The following ZNF708 variants were observed in gnomAD, a reference collection of about 807,000 sequenced individuals.
The protein encoded by ZNF708 is zinc finger protein 708.
Under a neutral mutation model 47.0 loss-of-function variants are expected in ZNF708, and 44 were observed. The observed-to-expected ratio is 0.94, with a 90% CI of 0.74 to 1.20. The LOEUF is 1.20. Ranked by LOEUF, ZNF708 falls within the 50% of genes most tolerant of loss-of-function variation. ZNF708 has a pLI of 0.00. For synonymous variants in ZNF708, 184 were observed against 218.5 expected, an observed-to-expected ratio of 0.84 and a Z score of 1.39; for missense variants, 557 against 656.0, an observed-to-expected ratio of 0.85 and a Z score of 1.65.
At chr19:21,299,635 T>C (rs1972613444) in intron 3 of ZNF708, among the ~76,000 whole-genome samples, 1 of 151,210 alleles carries the variant, frequency 6.6e-6, no homozygotes, top group Non-Finnish European at 1.5e-5. Flanking sequence ...TAGCTAGGGG[T>C]GGTGATGCAC....
chr19:21,297,725 T>C (rs1972568482), intron 3 of ZNF708, among the ~76,000 whole-genome samples: 1 of 152,068 alleles, frequency 6.6e-6, no homozygotes, highest in Non-Finnish European at 1.5e-5. Context: ...ATTTGCCTTT[T>C]TGCAAGTCAG....
At chr19:21,300,505 T>TAAAA (rs1215143351) in intron 3 of ZNF708, among the ~76,000 whole-genome samples, 1 of 110,536 alleles carries the variant, frequency 9.0e-6, no homozygotes, top group African/African-American at 3.4e-5. Context: ...AAACTCTGTC[T>TAAAA]AAAAAAAAAA....
chr19:21,298,334 C>A (rs181022627), intron 3 of ZNF708, among the ~76,000 whole-genome samples: 1 of 151,856 alleles, frequency 6.6e-6, no homozygotes, highest in Admixed American at 6.6e-5. Flanking sequence ...CTTTCTGTGA[C>A]CAAAATGGAA....
At position 21,294,600 on chromosome 19, in the gene ZNF708, T is replaced by C; in HGVS notation, c.366A>G (p.Lys122=). Residue 122 remains lysine (K), a synonymous_variant, in exon 4 of 4, where the codon AAA becomes AAG. Transcript: ENST00000356929. ...ACCGGTTAAGTCCCTTGTGACCTCC[T>C]TTGTGCAACTTATGCTCATCCACAC... ...CKSVDEHKLH[K]GGHKGLNRCV... 2 of 1,614,152 alleles carry C rather than the reference T, an allele frequency of 1.2e-6. No individual in the cohort carries two copies. The highest frequency in any genetic ancestry group is 2.2e-5 in the East Asian group (1 of 44,862).
At chr19:21,315,448 T>C (rs1407654999) in intron 1 of ZNF708, among the ~76,000 whole-genome samples, 1 of 152,182 alleles carries the variant, frequency 6.6e-6, no homozygotes, top group Non-Finnish European at 1.5e-5. Context: ...GAAAGCAAAG[T>C]ACAATCAAAG....
chr19:21,309,944 G>A (rs915498853), intron 2 of ZNF708, among the ~76,000 whole-genome samples: 1 of 152,146 alleles, frequency 6.6e-6, no homozygotes, highest in Non-Finnish European at 1.5e-5. Flanking sequence ...TAAATTTCTG[G>A]AATTACCACT....
At chr19:21,300,746 C>T (rs905102301) in intron 3 of ZNF708, among the ~76,000 whole-genome samples, 3 of 151,808 alleles carry the variant, frequency 2.0e-5, no homozygotes, top group Non-Finnish European at 4.4e-5. Context: ...CTGCATGCTC[C>T]ACCTCCCAGG....
chr19:21,307,384 G>C (rs1355014880), intron 3 of ZNF708, among the ~76,000 whole-genome samples: 15 of 152,048 alleles, frequency 9.9e-5, no homozygotes. Context: ...CCAGCACTTT[G>C]GGAAGCTGAG....
In ZNF708 at chr19:21,329,374, G is replaced by A. The variant is rs1973331071; in HGVS notation, c.-162C>T. On this transcript the variant is annotated 5_prime_UTR_variant, in exon 1 of 4. Transcript: ENST00000356929. ...AAGAGACAAAGGCCGCGCCAAACCC[G>A]GAAGCCGCCCTGTCCGGTCCAGCTG... 1.8e-6 allele frequency: 2 copies of A among 1,126,614 alleles called. No homozygotes were observed. The highest frequency in any genetic ancestry group is 2.6e-6 in the Non-Finnish European group (2 of 774,112). 69.8% of individuals were successfully genotyped at this position (1,126,614 alleles called of 1,614,324 possible).
intron 2 of ZNF708, 25 bp from the exon 3 acceptor site, chr19:21,309,366 T>C: frequency 1.3e-6 from 2 of 1,541,752 alleles, no homozygotes; most frequent in Non-Finnish European, 1.8e-6. Flanking sequence ...ATAAATAACG[T>C]GAATCTTGCT....
chr19:21,321,021 G>A (rs1381286375), intron 1 of ZNF708, among the ~76,000 whole-genome samples: 1 of 151,882 alleles, frequency 6.6e-6, no homozygotes, highest in Non-Finnish European at 1.5e-5. Context: ...GGCGCCTGTA[G>A]TACCAGCTAC....
intron 1 of ZNF708, chr19:21,327,960 C>A: frequency 9.7e-7 from 1 of 1,030,400 alleles, no homozygotes; most frequent in Non-Finnish European, 1.2e-6. Flanking sequence ...CACTCCATAC[C>A]TCAGGTTGTC....
At chr19:21,306,639 T>C (rs1972769622) in intron 3 of ZNF708, among the ~76,000 whole-genome samples, 3 of 152,148 alleles carry the variant, frequency 2.0e-5, no homozygotes, top group South Asian at 2.1e-4. Flanking sequence ...AGAGCAGCTA[T>C]TGTTTTAAAA....
At chr19:21,327,585 C>T (rs1389129485) in intron 1 of ZNF708, among the ~76,000 whole-genome samples, 1 of 151,788 alleles carries the variant, frequency 6.6e-6, no homozygotes, top group Non-Finnish European at 1.5e-5. Context: ...CTGATATTCA[C>T]CCACCCCATT....
chr19:21,308,078 T>C (rs1972822031), intron 3 of ZNF708, among the ~76,000 whole-genome samples: 1 of 152,006 alleles, frequency 6.6e-6, no homozygotes, highest in Non-Finnish European at 1.5e-5. Flanking sequence ...ATAAAAGATA[T>C]AAGATTTCAA....
At chr19:21,302,484 G>A (rs999519733) in intron 3 of ZNF708, among the ~76,000 whole-genome samples, 2 of 152,084 alleles carry the variant, frequency 1.3e-5, no homozygotes, top group East Asian at 3.9e-4. Flanking sequence ...TATCACCTGA[G>A]GTCAGAAGTT....
rs146754133 is a variant in ZNF708 at position 21,327,100 on chromosome 19, G to A, written c.3+2110C>T. 7.2e-5 allele frequency among the ~76,000 whole-genome samples: 11 copies of A among 152,072 alleles called. No individual in the cohort carries two copies. The East Asian group carries it at 1.9e-3, about 27-fold the overall frequency. ...TTTTTCTGAAATCCACCTCTTTTAT[G>A]CCCTCTGTTAATATTTTCTTACCTT... On this transcript the variant is annotated intron_variant, in intron 1 of 3. Coordinates refer to ENST00000356929, the MANE Select transcript of ZNF708 (RefSeq NM_021269.3).
chr19:21,314,803 C>T (rs1268542526), intron 1 of ZNF708, among the ~76,000 whole-genome samples: 3 of 152,144 alleles, frequency 2.0e-5, no homozygotes, highest in African/African-American at 7.2e-5. Context: ...TTCTCTTACA[C>T]TGAGGGAAAA....
At chr19:21,326,476 G>A (rs967055792) in intron 1 of ZNF708, among the ~76,000 whole-genome samples, 18 of 152,100 alleles carry the variant, frequency 1.2e-4, no homozygotes, top group African/African-American at 4.1e-4. Context: ...AACCAAACAT[G>A]GTATGTTCTG....
Sources: allele counts gnomAD v4.1 joint callset (sites outside exome capture counted in the v4.1 genomes callset), GRCh38; gene constraint gnomAD v4.1.1; transcripts MANE v1.5; gene names NCBI Gene and HGNC (gene_info 2026-07-23, HGNC 2026-07-21).